ATXN7: variants seen among roughly 807,000 people sequenced by gnomAD.
ATXN7 encodes the protein ataxin 7.
In ATXN7, 12 loss-of-function variants were observed where a neutral mutation model predicts 70.5. The ratio of observed to expected loss-of-function variants is 0.17; its 90% CI spans 0.11 to 0.28. The LOEUF is 0.28. Ranked by LOEUF, ATXN7 falls within the 10% of genes least tolerant of loss-of-function variation. The probability of loss-of-function intolerance (pLI) is 1.00; values close to 1 mark genes in which losing one functional copy is unlikely to be tolerated. For synonymous variants in ATXN7, 498 were observed against 448.7 expected (o/e 1.11, Z -1.39); for missense variants, 1,256 against 1,131.7 (o/e 1.11, Z -1.58).
intron 1 of ATXN7, among the ~76,000 whole-genome samples, chr3:63,867,522 A>G (rs181161819): frequency 1.3e-5 from 2 of 152,306 alleles, no homozygotes; most frequent in Admixed American, 1.3e-4. Context: ...AGAGAAAAAA[A>G]CATTTTTGAA....
At chr3:63,869,793 A>G (rs1187539723) in intron 1 of ATXN7, among the ~76,000 whole-genome samples, 2 of 152,214 alleles carry the variant, frequency 1.3e-5, no homozygotes, top group East Asian at 3.8e-4. Flanking sequence ...ACCTTCTGGA[A>G]CCATCTTACT....
At chr3:63,999,174 ACATAAGAGC>A (rs1314588566) in intron 12 of ATXN7, 1 of 374,860 alleles carries the variant, frequency 2.7e-6, no homozygotes, top group Non-Finnish European at 4.9e-6. Flanking sequence ...CAAAAGGCAA[ACATAAGAGC>A]CTTTTCTCTA....
chr3:63,925,835 A>G (rs565692023), intron 4 of ATXN7, among the ~76,000 whole-genome samples: 1 of 152,274 alleles, frequency 6.6e-6, no homozygotes, highest in East Asian at 1.9e-4. Flanking sequence ...CTGGTGTGGA[A>G]GCAGCTTGTG....
chr3:63,931,468 G>A (rs1329470735), intron 4 of ATXN7, among the ~76,000 whole-genome samples: 1 of 152,126 alleles, frequency 6.6e-6, no homozygotes, highest in Non-Finnish European at 1.5e-5. Flanking sequence ...AGGGGCTCAG[G>A]GAGAGCCCCT....
At chr3:63,863,528 G>C (rs1214523241), upstream of ATXN7, 1 of 1,193,106 alleles carries the variant, frequency 8.4e-7, no homozygotes, top group Middle Eastern at 3.4e-4. Flanking sequence ...CTGCCTCCGG[G>C]AGAGCGGACG....
chr3:63,976,235 A>G (rs1427305843), intron 5 of ATXN7, among the ~76,000 whole-genome samples: 1 of 152,230 alleles, frequency 6.6e-6, no homozygotes, highest in Non-Finnish European at 1.5e-5. Flanking sequence ...GCTCAGTGAA[A>G]GGATAAGGGG....
intron 8 of ATXN7, 101 bp downstream of exon 8, chr3:63,983,122 T>C (rs1408935111): frequency 1.6e-5 from 16 of 972,072 alleles, no homozygotes; most frequent in Non-Finnish European, 3.3e-6. Context: ...GAGAAGATGC[T>C]CTGTGGATTG....
intron 11 of ATXN7, 127 bp from the exon 12 acceptor site, chr3:63,995,378 G>C (rs1305997269): frequency 9.9e-7 from 1 of 1,012,572 alleles, no homozygotes; most frequent in African/African-American, 1.6e-5. Flanking sequence ...GATTGGCTTT[G>C]TAGTTCAGAG....
intron 8 of ATXN7, 135 bp from the exon 9 acceptor site, chr3:63,987,924 T>C: frequency 9.2e-7 from 1 of 1,089,614 alleles, no homozygotes; most frequent in South Asian, 1.6e-5. Flanking sequence ...GTTTTTAGCT[T>C]ATCAAATGCT....
At chr3:63,948,396 G>T (rs764784161) in intron 4 of ATXN7, among the ~76,000 whole-genome samples, 21 of 152,166 alleles carry the variant, frequency 1.4e-4, no homozygotes, top group Non-Finnish European at 2.2e-4. Context: ...TGTTTGAAAT[G>T]TATATAAGAC....
chr3:63,999,326 CTCAG>C (rs1355559191), intron 12 of ATXN7, 120 bp from the exon 13 acceptor site: 14 of 768,478 alleles, frequency 1.8e-5, no homozygotes, highest in African/African-American at 1.4e-4. Flanking sequence ...CCTGGTGTCA[CTCAG>C]TCAATGGAGA....
chr3:63,907,802 A>T (rs1347704140), intron 2 of ATXN7, among the ~76,000 whole-genome samples: 6 of 152,120 alleles, frequency 3.9e-5, no homozygotes, highest in Admixed American at 1.3e-4. Flanking sequence ...TCCTCAGCCG[A>T]AAGACTTTAA....
rs183651336 is a variant in ATXN7 at position 63,903,238 on chromosome 3, C to A, written c.-12+4741C>A. Among the ~76,000 whole-genome samples, 13 of 151,868 alleles carry A rather than the reference C, an allele frequency of 8.6e-5. No homozygotes were observed. In the East Asian group the frequency reaches 1.7e-3, roughly 20 times the overall value. On this transcript the variant is annotated intron_variant, in intron 2 of 12. Transcript: ENST00000674280. ...TGAAACCCCGTCTCTATTAAAAATA[C>A]AAAAAAATTAGCCGAGCTTGGGCCT...
intron 4 of ATXN7, among the ~76,000 whole-genome samples, chr3:63,927,956 T>C (rs918820734): frequency 6.6e-5 from 10 of 152,348 alleles, no homozygotes; most frequent in African/African-American, 2.2e-4. Flanking sequence ...CTGGTGGCTG[T>C]TGCTGAAAAT....
chr3:63,863,506 T>A (rs1467613587), upstream of ATXN7: 3 of 1,184,300 alleles, frequency 2.5e-6, no homozygotes, highest in African/African-American at 3.2e-5. Flanking sequence ...CGGCACACCC[T>A]ATAGCCCCGC....
chr3:63,967,159 G>T (rs1162485454), intron 5 of ATXN7, among the ~76,000 whole-genome samples: 1 of 152,186 alleles, frequency 6.6e-6, no homozygotes. Context: ...GTGTGATAGG[G>T]ATGATAGGGA....
intron 6 of ATXN7, among the ~76,000 whole-genome samples, chr3:63,981,817 GAT>G: frequency 6.6e-6 from 1 of 152,224 alleles, no homozygotes. Context: ...GTCCTCAAAA[GAT>G]ATTCTCCAAG....
At chr3:63,930,537 T>G (rs1323177350) in intron 4 of ATXN7, among the ~76,000 whole-genome samples, 1 of 151,982 alleles carries the variant, frequency 6.6e-6, no homozygotes, top group East Asian at 1.9e-4. Context: ...TTACAATTTT[T>G]TTTTTTTTTT....
chr3:63,924,713 T>C (rs1180378284), intron 4 of ATXN7, among the ~76,000 whole-genome samples: 2 of 151,828 alleles, frequency 1.3e-5, no homozygotes, highest in South Asian at 2.1e-4. Flanking sequence ...ATCTGGAGAG[T>C]TGGGGAGGCA....
Sources: allele counts gnomAD v4.1 joint callset (sites outside exome capture counted in the v4.1 genomes callset), GRCh38; gene constraint gnomAD v4.1.1; transcripts MANE v1.5; gene names NCBI Gene and HGNC (gene_info 2026-07-23, HGNC 2026-07-21).